The following PDE10A variants were observed in gnomAD, a reference collection of about 807,000 sequenced individuals.
The protein encoded by PDE10A is cAMP and cAMP-inhibited cGMP 3',5'-cyclic phosphodiesterase 10A.
A neutral mutation model predicts 97.7 loss-of-function variants in PDE10A; 39 were observed. That is an observed-to-expected ratio of 0.40 (90% CI 0.31 to 0.52). PDE10A has a LOEUF of 0.52. PDE10A is among the 20% of genes least tolerant of loss of function. PDE10A has a pLI of 0.56. For synonymous variants in PDE10A, 371 were observed against 376.8 expected, an observed-to-expected ratio of 0.98 and a Z score of 0.18; for missense variants, 731 against 1,047.8, an observed-to-expected ratio of 0.70 and a Z score of 4.17.
intron 1 of PDE10A, among the ~76,000 whole-genome samples, chr6:165,639,028 A>AAGGG (rs1371062595): frequency 7.0e-6 from 1 of 142,372 alleles, no homozygotes; most frequent in African/African-American, 2.5e-5. Flanking sequence ...GGGAAGAAGG[A>AAGGG]AGGGAGGGAA....
chr6:165,986,982 G>T (rs545120727), intron 1 of PDE10A, among the ~76,000 whole-genome samples: 2 of 152,264 alleles, frequency 1.3e-5, no homozygotes, highest in South Asian at 4.2e-4. Flanking sequence ...GAGGTGGGGG[G>T]AGAGAAGAGA....
intron 1 of PDE10A, among the ~76,000 whole-genome samples, chr6:165,731,041 C>T (rs926035606): frequency 6.6e-6 from 1 of 152,146 alleles, no homozygotes; most frequent in Non-Finnish European, 1.5e-5. Context: ...GAGACTCCGT[C>T]TCAAAAACAA....
At chr6:165,617,218 G>A (rs78742636) in intron 1 of PDE10A, among the ~76,000 whole-genome samples, 3,159 of 152,228 alleles carry the variant, frequency 0.021, 113 homozygotes, top group African/African-American at 0.072. Context: ...CCTGTCACCT[G>A]ACCCATCAGA....
At chr6:165,838,381 A>G (rs1236469618) in intron 1 of PDE10A, among the ~76,000 whole-genome samples, 1 of 152,230 alleles carries the variant, frequency 6.6e-6, no homozygotes, top group African/African-American at 2.4e-5. Context: ...TTTTATTGAC[A>G]TAATATTTTT....
intron 12 of PDE10A, among the ~76,000 whole-genome samples, chr6:165,414,836 T>C (rs1308884586): frequency 1.3e-5 from 2 of 152,210 alleles, no homozygotes. Context: ...CTGGCCAATG[T>C]TTGCTAATGC....
At chr6:165,810,565 T>A (rs894841225) in intron 1 of PDE10A, among the ~76,000 whole-genome samples, 4 of 152,176 alleles carry the variant, frequency 2.6e-5, no homozygotes, top group African/African-American at 9.7e-5. Flanking sequence ...CCCAGCCACT[T>A]ATGCTCTCTG....
intron 1 of PDE10A, among the ~76,000 whole-genome samples, chr6:165,681,209 C>T (rs567651942): frequency 6.6e-6 from 1 of 152,210 alleles, no homozygotes; most frequent in African/African-American, 2.4e-5. Flanking sequence ...GTATCAGCAT[C>T]CATCTGATTA....
rs148722680 is a variant in PDE10A at position 165,872,414 on chromosome 6, T to C, written c.-615+115115A>G. ...AGGTGCTGACGCCCACTGAACATGT[T>C]GGTGGGTCCAGAGGATGCGTCTTGG... On this transcript the variant is annotated intron_variant, in intron 1 of 19. Transcript: ENST00000366882. Among the ~76,000 whole-genome samples, 619 of 152,272 alleles carry C rather than the reference T, an allele frequency of 4.1e-3. 1 individual carries two copies. The highest frequency in any genetic ancestry group is 6.8e-3 in the Middle Eastern group (2 of 294).
intron 1 of PDE10A, among the ~76,000 whole-genome samples, chr6:165,625,489 T>G (rs1379782803): frequency 6.6e-6 from 1 of 152,148 alleles, no homozygotes; most frequent in Admixed American, 6.5e-5. Context: ...AACTTAAGGT[T>G]TGGTTTTGAA....
In PDE10A at chr6:165,525,687, TAA is replaced by T. The variant is rs532593815; in HGVS notation, c.994+17751_994+17752del. Among the ~76,000 whole-genome samples, 606 of 152,230 alleles carry T rather than the reference TAA, an allele frequency of 4.0e-3. 2 individuals are homozygous for T. The highest frequency in any genetic ancestry group is 0.014 in the African/African-American group (577 of 41,548). ...ACCACAGTCACTCAAATACCAAATT[TAA>T]ATACAATGGAAATAACTGGATCCCA... On this transcript the variant is annotated intron_variant, in intron 2 of 21. Coordinates refer to ENST00000539869, the MANE Select transcript of PDE10A (RefSeq NM_001385079.1).
At chr6:165,933,962 AT>A (rs1227691010) in intron 1 of PDE10A, among the ~76,000 whole-genome samples, 1 of 151,064 alleles carries the variant, frequency 6.6e-6, no homozygotes, top group African/African-American at 2.4e-5. Flanking sequence ...CCAGTTTGCA[AT>A]TTTTCATTTT....
At chr6:165,450,458 TA>T in intron 3 of PDE10A, 96 bp from the exon 4 acceptor site, 4 of 498,364 alleles carry the variant, frequency 8.0e-6, no homozygotes, top group Non-Finnish European at 1.4e-5. Flanking sequence ...ATATGTGACT[TA>T]ATATACTAAG....
chr6:165,546,592 G>A (rs1350662189), intron 1 of PDE10A, among the ~76,000 whole-genome samples: 1 of 152,060 alleles, frequency 6.6e-6, no homozygotes, highest in African/African-American at 2.4e-5. Flanking sequence ...GGGTCTGTGA[G>A]ACTAGACACA....
At chr6:165,785,141 T>A (rs768268108) in intron 1 of PDE10A, among the ~76,000 whole-genome samples, 3 of 152,222 alleles carry the variant, frequency 2.0e-5, no homozygotes, top group Non-Finnish European at 4.4e-5. Context: ...GGGCAAGGTG[T>A]GCACCTCGAA....
At chr6:165,531,470 G>A (rs973171149) in intron 2 of PDE10A, among the ~76,000 whole-genome samples, 1 of 151,832 alleles carries the variant, frequency 6.6e-6, no homozygotes, top group African/African-American at 2.4e-5. Flanking sequence ...ATTATTGAGG[G>A]GAAAAAAGGA....
At chr6:165,471,397 C>T (rs1242820065) in intron 3 of PDE10A, among the ~76,000 whole-genome samples, 1 of 152,110 alleles carries the variant, frequency 6.6e-6, no homozygotes, top group Non-Finnish European at 1.5e-5. Context: ...CTTAAATCAT[C>T]ATATTACTAA....
At chr6:165,544,051 T>A (rs1783608810) in intron 1 of PDE10A, among the ~76,000 whole-genome samples, 1 of 152,160 alleles carries the variant, frequency 6.6e-6, no homozygotes. Flanking sequence ...ACTTATTTTT[T>A]CGGTATATAG....
intron 1 of PDE10A, among the ~76,000 whole-genome samples, chr6:165,984,332 T>C (rs952458343): frequency 6.6e-6 from 1 of 152,250 alleles, no homozygotes; most frequent in Non-Finnish European, 1.5e-5. Flanking sequence ...TTCCATAGCA[T>C]AGATTTTTTT....
intron 1 of PDE10A, among the ~76,000 whole-genome samples, chr6:165,618,611 C>T (rs1174922528): frequency 6.6e-6 from 1 of 151,996 alleles, no homozygotes; most frequent in Non-Finnish European, 1.5e-5. Flanking sequence ...GGGTTCAGGG[C>T]CCCCCAGAAA....
Sources: gnomAD v4.1 joint callset for allele counts (sites outside exome capture counted in the v4.1 genomes callset) on GRCh38, gnomAD v4.1.1 for gene constraint, MANE v1.5 for transcripts, NCBI Gene and HGNC (gene_info 2026-07-23, HGNC 2026-07-21) for gene names.